LHPP: variants seen among roughly 807,000 people sequenced by gnomAD.
LHPP encodes the protein phospholysine phosphohistidine inorganic pyrophosphate phosphatase.
A neutral mutation model predicts 30.3 loss-of-function variants in LHPP; 24 were observed. The observed-to-expected ratio is 0.79, with a 90% CI of 0.57 to 1.11. The LOEUF (loss-of-function observed/expected upper bound fraction) is 1.11. Among genes scored for constraint, LHPP ranks in the 50% most tolerant of loss-of-function variants. The pLI is 0.00. For synonymous variants in LHPP, 150 were observed against 157.1 expected, an observed-to-expected ratio of 0.95 and a Z score of 0.34; for missense variants, 356 against 367.2, an observed-to-expected ratio of 0.97 and a Z score of 0.25.
At chr10:124,600,561 C>G (rs1949008024) in intron 6 of LHPP, among the ~76,000 whole-genome samples, 1 of 152,264 alleles carries the variant, frequency 6.6e-6, no homozygotes, top group African/African-American at 2.4e-5. Flanking sequence ...GTGCTGCAAC[C>G]TAGGTGCCCG....
intron 1 of LHPP, among the ~76,000 whole-genome samples, chr10:124,463,555 G>C (rs1275824470): frequency 6.6e-6 from 1 of 151,928 alleles, no homozygotes; most frequent in Non-Finnish European, 1.5e-5. Flanking sequence ...TAGACATGGG[G>C]TTTCACCATA....
intron 6 of LHPP, among the ~76,000 whole-genome samples, chr10:124,610,125 C>T (rs946944504): frequency 1.1e-4 from 16 of 152,190 alleles, no homozygotes; most frequent in Non-Finnish European, 1.9e-4. Flanking sequence ...AGCACTGACG[C>T]AGGATTGCGT....
chr10:124,566,351 C>T (rs901288678), intron 6 of LHPP, among the ~76,000 whole-genome samples: 3 of 152,168 alleles, frequency 2.0e-5, no homozygotes, highest in African/African-American at 2.4e-5. Context: ...CCCCTGGGAG[C>T]GCTGGGCAGG....
intron 1 of LHPP, among the ~76,000 whole-genome samples, chr10:124,463,601 G>C (rs1375762366): frequency 1.3e-5 from 2 of 152,074 alleles, no homozygotes; most frequent in East Asian, 3.9e-4. Context: ...GACCTCAACT[G>C]ATCCACCTGC....
chr10:124,499,497 C>CAA (rs57108548), intron 5 of LHPP, among the ~76,000 whole-genome samples: 2 of 151,336 alleles, frequency 1.3e-5, no homozygotes, highest in African/African-American at 4.9e-5. Context: ...TACAGAAAAA[C>CAA]AAAAAAAATT....
At chr10:124,560,945 G>A (rs368149245) in intron 6 of LHPP, among the ~76,000 whole-genome samples, 13 of 152,222 alleles carry the variant, frequency 8.5e-5, no homozygotes, top group African/African-American at 2.9e-4. Context: ...CCTGCCAAGT[G>A]CAATGAAAAA....
At chr10:124,564,611 A>G (rs533875368) in intron 6 of LHPP, among the ~76,000 whole-genome samples, 77 of 152,224 alleles carry the variant, frequency 5.1e-4, no homozygotes, top group Non-Finnish European at 8.7e-4. Flanking sequence ...CTTCCTACAG[A>G]TATGAACAGA....
chr10:124,591,714 G>T (rs764902972), intron 6 of LHPP, among the ~76,000 whole-genome samples: 10 of 151,954 alleles, frequency 6.6e-5, no homozygotes, highest in Non-Finnish European at 1.5e-4. Context: ...ACAAGCATTT[G>T]GTACTATGAA....
At chr10:124,512,442 C>T (rs1388312219) in intron 5 of LHPP, among the ~76,000 whole-genome samples, 1 of 151,862 alleles carries the variant, frequency 6.6e-6, no homozygotes, top group Non-Finnish European at 1.5e-5. Flanking sequence ...CGGTGAAACC[C>T]CGTCTCTACT....
intron 3 of LHPP, 136 bp downstream of exon 3, chr10:124,488,711 T>C: frequency 1.4e-6 from 1 of 696,404 alleles, no homozygotes; most frequent in Non-Finnish European, 2.4e-6. Flanking sequence ...TTCCCTCCCT[T>C]TTTCATGCTT....
chr10:124,462,048 C>G (rs1033679500), intron 1 of LHPP, 61 bp downstream of exon 1: 1 of 1,184,382 alleles, frequency 8.4e-7, no homozygotes, highest in Admixed American at 4.5e-5. Flanking sequence ...CGCTCCCTGG[C>G]TGCCGGCAGG....
intron 6 of LHPP, among the ~76,000 whole-genome samples, chr10:124,601,372 G>A (rs1267746119): frequency 6.6e-6 from 1 of 152,222 alleles, no homozygotes; most frequent in African/African-American, 2.4e-5. Context: ...GGTTTGAAAA[G>A]TTCTATGTGC....
chr10:124,526,091 C>T, intron 6 of LHPP: 2 of 776,200 alleles, frequency 2.6e-6, no homozygotes, highest in Non-Finnish European at 3.1e-6. Context: ...TCCTGGAAGG[C>T]GCTGGAGTGG....
intron 6 of LHPP, among the ~76,000 whole-genome samples, chr10:124,595,063 G>A (rs1014000018): frequency 1.3e-5 from 2 of 152,182 alleles, no homozygotes; most frequent in African/African-American, 2.4e-5. Flanking sequence ...CATGAAAACA[G>A]ACTAATACAC....
chr10:124,598,517 C>T (rs1948980122), intron 6 of LHPP, among the ~76,000 whole-genome samples: 1 of 152,208 alleles, frequency 6.6e-6, no homozygotes, highest in Admixed American at 6.5e-5. Context: ...GGCATCGGAC[C>T]TGCCCACCAT....
intron 6 of LHPP, among the ~76,000 whole-genome samples, chr10:124,608,145 C>G (rs1949119701): frequency 6.6e-6 from 1 of 152,108 alleles, no homozygotes; most frequent in Non-Finnish European, 1.5e-5. Flanking sequence ...TGGTATGCCC[C>G]CTAGGGTCCT....
chr10:124,574,087 C>T (rs770689381), intron 6 of LHPP, among the ~76,000 whole-genome samples: 9 of 152,118 alleles, frequency 5.9e-5, no homozygotes, highest in African/African-American at 1.4e-4. Context: ...CTCCTCCCAA[C>T]GCCCCTGTGA....
chr10:124,602,027 G>A (rs1949029640), intron 6 of LHPP, among the ~76,000 whole-genome samples: 1 of 152,228 alleles, frequency 6.6e-6, no homozygotes, highest in African/African-American at 2.4e-5. Flanking sequence ...TAGTGCCCCA[G>A]CTCCATCCGG....
chr10:124,474,152 T>C (rs1952872837), intron 1 of LHPP, among the ~76,000 whole-genome samples: 1 of 145,706 alleles, frequency 6.9e-6, no homozygotes. Flanking sequence ...TTTTTTTTTT[T>C]TTTTTGAGAC....
Sources: allele counts gnomAD v4.1 joint callset (sites outside exome capture counted in the v4.1 genomes callset), GRCh38; gene constraint gnomAD v4.1.1; transcripts MANE v1.5; gene names NCBI Gene and HGNC (gene_info 2026-07-23, HGNC 2026-07-21).